HLCS: variants seen among roughly 807,000 people sequenced by gnomAD.
HLCS encodes the protein biotin--protein ligase.
HLCS carries 53 observed loss-of-function variants against 75.0 expected under a neutral mutation model. That is an observed-to-expected ratio of 0.71 (90% CI 0.57 to 0.89). HLCS has a LOEUF of 0.89. Ranked by LOEUF, HLCS falls within the 40% of genes least tolerant of loss-of-function variation. The pLI, the probability that HLCS is intolerant of heterozygous loss-of-function variation, is 0.00. For synonymous variants in HLCS, 431 were observed against 428.6 expected (o/e 1.01, Z -0.07); for missense variants, 966 against 1,074.0 (o/e 0.90, Z 1.41).
At chr21:36,796,785 G>A (rs2061038852) in intron 6 of HLCS, among the ~76,000 whole-genome samples, 2 of 152,124 alleles carry the variant, frequency 1.3e-5, no homozygotes, top group African/African-American at 4.8e-5. Context: ...AAATTCAGGA[G>A]AGACAAGCAA....
intron 4 of HLCS, among the ~76,000 whole-genome samples, chr21:36,930,815 GA>G (rs1346279495): frequency 1.3e-5 from 2 of 152,138 alleles, no homozygotes; most frequent in Non-Finnish European, 2.9e-5. Flanking sequence ...TGTATATCTG[GA>G]AAGTCATGGC....
chr21:36,838,461 T>C (rs1164414026), intron 6 of HLCS, among the ~76,000 whole-genome samples: 1 of 152,090 alleles, frequency 6.6e-6, no homozygotes, highest in Non-Finnish European at 1.5e-5. Flanking sequence ...ATCTCAGCAC[T>C]TTGGGAGGCC....
chr21:36,964,382 T>C (rs2068461110), intron 1 of HLCS, among the ~76,000 whole-genome samples: 1 of 152,226 alleles, frequency 6.6e-6, no homozygotes. Context: ...AAATAAATGG[T>C]CAAGCTTTCC....
In HLCS at chr21:36,754,263, G is replaced by A. The variant is rs767752067; in HGVS notation, c.2605C>T (p.Leu869Phe). Residue 869 changes from leucine (L) to phenylalanine (F), a missense_variant, in exon 11 of 11, where the codon CTC (leucine) becomes TTC (phenylalanine). Leu to Phe is a conservative substitution (Grantham distance 22, BLOSUM62 0). Coordinates refer to ENST00000674895, the MANE Select transcript of HLCS (RefSeq NM_001352514.2). ...NSFDMLRNLI[L>F]PKRR is the part of the protein sequence containing the mutation. Reference sequence around the variant, plus strand: ...GCCCGGCATTACCGCCGTTTGGGGAGGATGAGGTTTCTCAGCATGTCGAAG... The same window carrying A: ...GCCCGGCATTACCGCCGTTTGGGGAAGATGAGGTTTCTCAGCATGTCGAAG... The A allele has an allele frequency of 5.6e-6, 9 of 1,614,098 alleles. No individual in the cohort carries two copies. In the Admixed American group the frequency reaches 1.5e-4, roughly 27 times the overall value.
upstream of HLCS, among the ~76,000 whole-genome samples, chr21:36,970,857 G>C (rs1412809574): frequency 1.3e-5 from 2 of 152,022 alleles, no homozygotes; most frequent in Non-Finnish European, 1.5e-5. Flanking sequence ...AGCCAGGCGT[G>C]GTGGCGGGCG....
chr21:36,766,643 G>C (rs2090045891), intron 7 of HLCS, among the ~76,000 whole-genome samples: 2 of 152,300 alleles, frequency 1.3e-5, no homozygotes, highest in South Asian at 4.1e-4. Flanking sequence ...CCGTGGAGCA[G>C]CCCCTGTACA....
At chr21:36,817,120 G>A (rs1451642570) in intron 6 of HLCS, among the ~76,000 whole-genome samples, 1 of 152,180 alleles carries the variant, frequency 6.6e-6, no homozygotes, top group Non-Finnish European at 1.5e-5. Context: ...AGTGGAAGAT[G>A]GAAGCAGCAG....
intron 2 of HLCS, among the ~76,000 whole-genome samples, chr21:36,947,155 G>GC (rs1288027263): frequency 6.6e-6 from 1 of 152,146 alleles, no homozygotes; most frequent in Non-Finnish European, 1.5e-5. Flanking sequence ...CATTGATTTA[G>GC]CCCCCTGCGG....
intron 6 of HLCS, among the ~76,000 whole-genome samples, chr21:36,795,990 G>A (rs2061013872): frequency 1.3e-5 from 2 of 152,114 alleles, no homozygotes; most frequent in African/African-American, 4.8e-5. Flanking sequence ...AAAATATTTT[G>A]GTGGATTTAG....
At chr21:36,900,406 C>A (rs1279725137) in intron 5 of HLCS, among the ~76,000 whole-genome samples, 1 of 152,066 alleles carries the variant, frequency 6.6e-6, no homozygotes, top group African/African-American at 2.4e-5. Flanking sequence ...CTGATCAGGG[C>A]ACAGCATTTG....
intron 1 of HLCS, among the ~76,000 whole-genome samples, chr21:36,962,512 GCA>G (rs2068353694): frequency 6.6e-6 from 1 of 152,138 alleles, no homozygotes; most frequent in Non-Finnish European, 1.5e-5. Flanking sequence ...AGGCTGGCCG[GCA>G]CAGTGGCTCA....
At position 36,963,132 on chromosome 21, in the gene HLCS, AAAG is replaced by A. The variant is rs552643897; in HGVS notation, c.196-965_196-963del. ...GTCAGGAGTGATTGTAGTTTTTCAAAAAGAAGATTAGAATCAAGATTGGTTAGC... is the reference window on the plus strand; with the variant it reads ...GTCAGGAGTGATTGTAGTTTTTCAAAAAGATTAGAATCAAGATTGGTTAGC... On this transcript the variant is annotated intron_variant, in intron 1 of 10. Coordinates refer to ENST00000674895, the MANE Select transcript of HLCS (RefSeq NM_001352514.2). Among the ~76,000 whole-genome samples, 30 of 152,354 alleles carry A rather than the reference AAAG, an allele frequency of 2.0e-4. 1 individual carries two copies. In the South Asian group the frequency reaches 6.0e-3, roughly 31 times the overall value.
At chr21:36,767,951 T>G (rs2090098787) in intron 6 of HLCS, among the ~76,000 whole-genome samples, 1 of 152,106 alleles carries the variant, frequency 6.6e-6, no homozygotes, top group South Asian at 2.1e-4. Flanking sequence ...GAAAAGGGCA[T>G]TACATCCCCA....
In HLCS at chr21:36,936,728, C is replaced by A. The variant is rs148923377; in HGVS notation, c.1158G>T (p.Gln386His). 110 of 1,614,226 alleles carry A rather than the reference C, an allele frequency of 6.8e-5. No homozygotes were observed. The highest frequency in any genetic ancestry group is 8.8e-5 in the Non-Finnish European group (104 of 1,180,044). The change falls in exon 4 of 11, where the codon CAG (glutamine) becomes CAT (histidine). Residue 386 changes from glutamine (Q) to histidine (H), a missense_variant. Coordinates refer to ENST00000674895, the MANE Select transcript of HLCS (RefSeq NM_001352514.2). ...AAGACAGGCCCAACACCTTCCCTCC[C>A]TGAGAAAGATAGGCCATGAACTTCT... ...LYQKFMAYLS[Q>H]GGKVLGLSSS...
rs1276842352 is a variant in HLCS, at chr21:36,837,582, T to C, written c.1892+59278A>G. On this transcript the variant is annotated intron_variant, in intron 6 of 10. Transcript: ENST00000674895. ...TCTAGTGGGTACTATTATCTATAAC[T>C]CTTTAATATCAAACTCACAAAATTA... Among the ~76,000 whole-genome samples, 5 of 152,306 alleles carry C rather than the reference T, an allele frequency of 3.3e-5. No homozygotes were observed. The East Asian group carries it at 7.7e-4, about 23-fold the overall frequency.
intron 6 of HLCS, among the ~76,000 whole-genome samples, chr21:36,895,747 T>C (rs1044964507): frequency 6.6e-6 from 1 of 152,200 alleles, no homozygotes; most frequent in Non-Finnish European, 1.5e-5. Flanking sequence ...GAATTATACA[T>C]CTGTCTAATC....
chr21:36,803,257 G>A (rs1360962439), intron 6 of HLCS, among the ~76,000 whole-genome samples: 7 of 152,248 alleles, frequency 4.6e-5, no homozygotes, highest in Non-Finnish European at 1.0e-4. Context: ...AGTCTCAGCT[G>A]AGTCCACTCC....
intron 6 of HLCS, chr21:36,851,930 C>T (rs773713132): frequency 1.3e-5 from 2 of 152,270 alleles, no homozygotes; most frequent in Non-Finnish European, 2.9e-5. Flanking sequence ...CGTAAGAGCC[C>T]GCAGGCACCC....
intron 6 of HLCS, 136 bp downstream of exon 6, chr21:36,896,717 AGGACAAG>A: frequency 1.1e-6 from 1 of 900,188 alleles, no homozygotes; most frequent in Non-Finnish European, 1.8e-6. Flanking sequence ...TAACTCTTCT[AGGACAAG>A]AGTACTTCCA....
Sources: allele counts gnomAD v4.1 joint callset (sites outside exome capture counted in the v4.1 genomes callset), GRCh38; gene constraint gnomAD v4.1.1; transcripts MANE v1.5; gene names NCBI Gene and HGNC (gene_info 2026-07-23, HGNC 2026-07-21).